Variants in TENM3 observed in about 807,000 individuals in gnomAD.
TENM3 encodes the protein teneurin-3.
Under a neutral mutation model 255.1 loss-of-function variants are expected in TENM3, and 63 were observed. The ratio of observed to expected loss-of-function variants is 0.25; its 90% CI spans 0.20 to 0.30. The LOEUF (loss-of-function observed/expected upper bound fraction) is 0.30, where lower values mean the gene tolerates loss of function less well. Ranked by LOEUF, TENM3 falls within the 10% of genes least tolerant of loss-of-function variation. TENM3 has a pLI of 1.00. For missense variants in TENM3, 2,929 were observed against 3,461.1 expected (o/e 0.85, Z 3.86); for synonymous variants, 1,306 against 1,322.3 (o/e 0.99, Z 0.27).
rs1751121153 is a variant in TENM3 at position 182,629,256 on chromosome 4, G to A, written c.988+367G>A. Among the ~76,000 whole-genome samples, 3 of 152,104 alleles carry A rather than the reference G, an allele frequency of 2.0e-5. 1 individual carries two copies. The South Asian group carries it at 6.2e-4, about 32-fold the overall frequency. On this transcript the variant is annotated intron_variant, in intron 5 of 27. Coordinates refer to ENST00000511685, the MANE Select transcript of TENM3 (RefSeq NM_001080477.4). Reference sequence around the variant, plus strand: ...TTTCCTTCAATGCGTACTCAATAGGGAGCTCTCCACTGCTTGTGATATTGT... The same window carrying A: ...TTTCCTTCAATGCGTACTCAATAGGAAGCTCTCCACTGCTTGTGATATTGT...
chr4:181,652,734 C>T, the TENM3 span, among the ~76,000 whole-genome samples: 846 of 152,214 alleles, frequency 5.6e-3, 8 homozygotes, highest in African/African-American at 0.019. Context: ...CTTTCTGTTC[C>T]GCTAACCTTA....
chr4:182,688,122 C>T lies in TENM3; in HGVS notation c.2036-44C>T, dbSNP rs568128172. 39 of 1,484,684 alleles carry T rather than the reference C, an allele frequency of 2.6e-5. No individual in the cohort carries two copies. In the African/African-American group the frequency reaches 2.8e-4, roughly 11 times the overall value. The allele number at this position is 1,484,684 out of a possible 1,614,324, so 92.0% of individuals were successfully genotyped here. A position where few individuals can be genotyped will look rare whatever the true frequency, so the allele number is the denominator to read the frequency against. On this transcript the variant is annotated intron_variant, in intron 11 of 27. Transcript: ENST00000511685. The stretch of plus-strand genomic sequence containing the variant: ...GCTTATTAATTCCCCTTCTCTCTCC[C>T]GCCACTCTTCTCTCCTGTTTTGTGT...
chr4:182,655,479 G>A (rs1477032369), intron 6 of TENM3, among the ~76,000 whole-genome samples: 4 of 152,278 alleles, frequency 2.6e-5, no homozygotes, highest in Middle Eastern at 3.4e-3. Context: ...CACAGCCTGG[G>A]TGCTGGGTGC....
chr4:182,010,910 G>C, the TENM3 span, among the ~76,000 whole-genome samples: 2 of 152,254 alleles, frequency 1.3e-5, no homozygotes, highest in East Asian at 3.9e-4. Flanking sequence ...GCAGTTACCT[G>C]GCTCCACCAC....
intron 3 of TENM3, among the ~76,000 whole-genome samples, chr4:182,519,402 T>C (rs548011126): frequency 6.6e-6 from 1 of 152,324 alleles, no homozygotes; most frequent in Admixed American, 6.5e-5. Context: ...CACATCCCAC[T>C]ACTCAGAAAT....
chr4:182,056,312 T>C, the TENM3 span, among the ~76,000 whole-genome samples: 1 of 152,206 alleles, frequency 6.6e-6, no homozygotes. Context: ...ACGTTCCAAT[T>C]TGATGAAAAT....
At chr4:182,679,272 G>A (rs1297394170) in intron 7 of TENM3, among the ~76,000 whole-genome samples, 5 of 152,210 alleles carry the variant, frequency 3.3e-5, no homozygotes, top group Admixed American at 2.0e-4. Flanking sequence ...AAATACGTAC[G>A]ACTATTATAT....
At chr4:181,858,971 T>G in the TENM3 span, among the ~76,000 whole-genome samples, 1 of 152,036 alleles carries the variant, frequency 6.6e-6, no homozygotes, top group South Asian at 2.1e-4. Context: ...CCAACAGCTG[T>G]GTGCCAGACA....
the TENM3 span, among the ~76,000 whole-genome samples, chr4:181,744,778 A>T: frequency 2.0e-5 from 3 of 152,214 alleles, no homozygotes; most frequent in Non-Finnish European, 4.4e-5. Context: ...GTATGAGATG[A>T]GAGATCAAGA....
the TENM3 span, among the ~76,000 whole-genome samples, chr4:181,596,725 T>C: frequency 6.6e-6 from 1 of 152,110 alleles, no homozygotes; most frequent in African/African-American, 2.4e-5. Flanking sequence ...ATGTGGTACA[T>C]AAACACCATG....
the TENM3 span, among the ~76,000 whole-genome samples, chr4:181,603,728 C>T: frequency 6.6e-6 from 1 of 152,168 alleles, no homozygotes; most frequent in African/African-American, 2.4e-5. Context: ...GACATAATCC[C>T]TGCCTTCAAA....
At chr4:182,431,187 G>A (rs2151192855) in intron 3 of TENM3, among the ~76,000 whole-genome samples, 1 of 151,878 alleles carries the variant, frequency 6.6e-6, no homozygotes, top group East Asian at 2.0e-4. Flanking sequence ...TCTGGATGGT[G>A]CTTTCATGAA....
chr4:181,835,925 T>C, the TENM3 span, among the ~76,000 whole-genome samples: 3 of 152,198 alleles, frequency 2.0e-5, no homozygotes, highest in African/African-American at 7.2e-5. Context: ...GAATCTATTC[T>C]AGGTGATCCC....
chr4:182,710,321 G>A (rs979806171), intron 12 of TENM3, among the ~76,000 whole-genome samples: 1 of 152,106 alleles, frequency 6.6e-6, no homozygotes, highest in South Asian at 2.1e-4. Context: ...AAAGTATATA[G>A]CATGGAGAAG....
At chr4:181,746,571 T>C in the TENM3 span, among the ~76,000 whole-genome samples, 1 of 152,208 alleles carries the variant, frequency 6.6e-6, no homozygotes, top group Admixed American at 6.5e-5. Context: ...GAAAAATTTT[T>C]TTTCTTTGGC....
chr4:181,647,213 G>A, the TENM3 span, among the ~76,000 whole-genome samples: 15 of 152,270 alleles, frequency 9.9e-5, no homozygotes, highest in Non-Finnish European at 2.1e-4. Context: ...AAATTTTTAC[G>A]TAGATGAGTG....
At chr4:182,163,899 C>G (rs1331830168) in intron 1 of TENM3, among the ~76,000 whole-genome samples, 3 of 152,196 alleles carry the variant, frequency 2.0e-5, no homozygotes, top group Non-Finnish European at 4.4e-5. Flanking sequence ...GACCCTCTGC[C>G]TTCACACTGT....
the TENM3 span, among the ~76,000 whole-genome samples, chr4:181,737,321 T>C: frequency 6.6e-6 from 1 of 152,186 alleles, no homozygotes; most frequent in Non-Finnish European, 1.5e-5. Context: ...AATCCTAATG[T>C]TAGGTTCCTA....
At chr4:181,713,140 T>C in the TENM3 span, among the ~76,000 whole-genome samples, 2 of 152,232 alleles carry the variant, frequency 1.3e-5, no homozygotes, top group East Asian at 3.8e-4. Context: ...TGGCACCTTC[T>C]AAAAGTGAAA....
Sources: allele counts gnomAD v4.1 joint callset (sites outside exome capture counted in the v4.1 genomes callset), GRCh38; gene constraint gnomAD v4.1.1; transcripts MANE v1.5; gene names NCBI Gene and HGNC (gene_info 2026-07-23, HGNC 2026-07-21).